The following IGSF3 variants were observed in gnomAD, a reference collection of about 807,000 sequenced individuals.
IGSF3 encodes glu-Trp-Ile EWI motif-containing protein 3.
Under a neutral mutation model 114.4 loss-of-function variants are expected in IGSF3, and 23 were observed. The observed-to-expected ratio is 0.20, with a 90% CI of 0.14 to 0.28. The LOEUF (loss-of-function observed/expected upper bound fraction) is 0.28, where lower values mean the gene tolerates loss of function less well. IGSF3 is among the 10% of genes least tolerant of loss of function. The pLI, the probability that IGSF3 is intolerant of heterozygous loss-of-function variation, is 1.00. For missense variants in IGSF3, 1,172 were observed against 1,591.5 expected (o/e 0.74, Z 4.48); for synonymous variants, 571 against 645.2 (o/e 0.88, Z 1.74).
Position 116,608,011 on chromosome 1 carries a change from C to T in IGSF3, c.1153G>A (p.Val385Met), listed in dbSNP as rs1473378160. Residue 385 changes from valine to methionine, a missense_variant, in exon 5 of 11, where the codon GTG becomes ATG. Physicochemically the swap from Val to Met is conservative, Grantham distance 21. This residue lies in a region of IGSF3 where 736 missense variants were observed against 1,042.0 expected (regional missense o/e 0.71). Coordinates refer to ENST00000369486, the MANE Select transcript of IGSF3 (RefSeq NM_001007237.3). ...TCCTTATCAATGAATTCCCCGGTCA[C>T]GGTTTTCTCTCGCTCAGTCACCCGG... ...NCRVTEREKT[V>M]TGEFIDKESK... 3.1e-6 allele frequency: 5 copies of T among 1,613,960 alleles called. No homozygotes were observed. The highest frequency in any genetic ancestry group is 2.2e-5 in the East Asian group (1 of 44,892).
Position 116,579,660 on chromosome 1 carries a change from GTCGTCGTCCTCC to G in IGSF3, c.3054_3065del (p.Glu1018_Asp1021del), listed in dbSNP as rs750273543. On this transcript the variant is annotated inframe_deletion, in exon 10 of 11. Transcript: ENST00000369486. This position sits in a 1 kb window ranked among gnomAD's most constrained non-coding sequence, Gnocchi z 6.4. ...TCCGCTCTGTTGGGTCGTCGTCGTC[GTCGTCGTCCTCC>G]TCCTCCTCCTCCTCCCTTTCCTCTT... 3.8e-6 allele frequency: 6 copies of G among 1,596,212 alleles called. No individual in the cohort carries two copies. The highest frequency in any genetic ancestry group is 5.1e-6 in the Non-Finnish European group (6 of 1,169,160).
At position 116,633,013 on chromosome 1, in the gene IGSF3, TACAGAGAAAAAA is replaced by T. The variant is rs1274189447; in HGVS notation, c.44-16568_44-16557del. 6.6e-6 allele frequency among the ~76,000 whole-genome samples: 1 copy of T among 152,210 alleles called. No individual in the cohort carries two copies. Among genetic ancestry groups the T allele is most frequent in the East Asian group, 1.9e-4 (1 of 5,204 alleles). On this transcript the variant is annotated intron_variant, in intron 2 of 10. Transcript: ENST00000369486. This position sits in a 1 kb window ranked among gnomAD's most constrained non-coding sequence, Gnocchi z 4.3. ...TAAAGTGACGAATTTTGTGGACACTTACAGAGAAAAAAATAGCTTCAAATGCTATATAGACCA... is the reference window on the plus strand; with the variant it reads ...TAAAGTGACGAATTTTGTGGACACTTATAGCTTCAAATGCTATATAGACCA...
intron 2 of IGSF3, among the ~76,000 whole-genome samples, chr1:116,658,996 G>A (rs1016616522): frequency 2.0e-5 from 3 of 152,170 alleles, no homozygotes; most frequent in African/African-American, 7.2e-5. Context: ...TTAATTACAG[G>A]GTTAGGTGGA....
intron 2 of IGSF3, among the ~76,000 whole-genome samples, chr1:116,639,473 C>CTG (rs1239031148): frequency 1.3e-5 from 2 of 152,122 alleles, no homozygotes. Context: ...GAGACAGGTC[C>CTG]CAACCACCTG....
chr1:116,620,971 T>C (rs376978982), intron 2 of IGSF3, among the ~76,000 whole-genome samples: 4 of 152,210 alleles, frequency 2.6e-5, no homozygotes, highest in Non-Finnish European at 4.4e-5. Context: ...CTAAATCTCA[T>C]GTTCAATTAT....
In IGSF3 at chr1:116,584,550, A is replaced by C. The variant is rs745768941; in HGVS notation, c.2848+95T>G. The C allele has an allele frequency of 6.5e-6, 8 of 1,228,416 alleles. No individual in the cohort carries two copies. The highest frequency in any genetic ancestry group is 9.3e-6 in the Non-Finnish European group (8 of 860,008). 76.1% of individuals were successfully genotyped at this position (1,228,416 alleles called of 1,614,324 possible). On this transcript the variant is annotated intron_variant, in intron 9 of 10. Coordinates refer to ENST00000369486, the MANE Select transcript of IGSF3 (RefSeq NM_001007237.3). The surrounding 1 kb of genome is among the most constrained non-coding windows in gnomAD (Gnocchi z 5.8). ...ACACTCATATATTTAACTGCAAATAATTTATTAATAAACTAATTTTATCCA... is the reference window on the plus strand; with the variant it reads ...ACACTCATATATTTAACTGCAAATACTTTATTAATAAACTAATTTTATCCA...
In IGSF3 at chr1:116,579,904, G is replaced by A. The variant is rs199669386; in HGVS notation, c.2849-27C>T. The A allele has an allele frequency of 2.6e-6, 4 of 1,558,618 alleles. No individual in the cohort carries two copies. The highest frequency in any genetic ancestry group is 3.9e-5 in the Admixed American group (2 of 51,658). On this transcript the variant is annotated intron_variant, in intron 9 of 10. Transcript: ENST00000369486. This position sits in a 1 kb window ranked among gnomAD's most constrained non-coding sequence, Gnocchi z 6.4. ...TGGGGAATGACAAGGGACAAACAGGGAAGGGGTTGTTTAAATTTATTTGCT... is the reference window on the plus strand; with the variant it reads ...TGGGGAATGACAAGGGACAAACAGGAAAGGGGTTGTTTAAATTTATTTGCT...
In IGSF3 at chr1:116,633,126, T is replaced by C. The variant is rs541116330; in HGVS notation, c.44-16669A>G. The stretch of plus-strand genomic sequence containing the variant: ...GGCTTTATGCAGAGTTCAGCTGCCA[T>C]CTGTCCCTTTGAAGGCCAGCTAAGA... On this transcript the variant is annotated intron_variant, in intron 2 of 10. Coordinates refer to ENST00000369486, the MANE Select transcript of IGSF3 (RefSeq NM_001007237.3). This position sits in a 1 kb window ranked among gnomAD's most constrained non-coding sequence, Gnocchi z 4.3. Among the ~76,000 whole-genome samples, 2 of 152,256 alleles carry C rather than the reference T, an allele frequency of 1.3e-5. No individual in the cohort carries two copies. The highest frequency in any genetic ancestry group is 2.9e-5 in the Non-Finnish European group (2 of 68,046).
rs1270590606 is a variant in IGSF3, at chr1:116,589,928, A to C, written c.2030-824T>G. Among the ~76,000 whole-genome samples, 6 of 152,034 alleles carry C rather than the reference A, an allele frequency of 3.9e-5. No individual in the cohort carries two copies. Among genetic ancestry groups the C allele is most frequent in the Non-Finnish European group, 5.9e-5 (4 of 68,004 alleles). ...GCCTAGCGGACATTCTTATCGCTGCACCCCCAGAGCCTAGCACAGCACCTG... is the reference window on the plus strand; with the variant it reads ...GCCTAGCGGACATTCTTATCGCTGCCCCCCCAGAGCCTAGCACAGCACCTG... On this transcript the variant is annotated intron_variant, in intron 7 of 10. Transcript: ENST00000369486. The surrounding 1 kb of genome is among the most constrained non-coding windows in gnomAD (Gnocchi z 5.7).
In IGSF3 at chr1:116,618,991, A is replaced by G. The variant is rs1329873315; in HGVS notation, c.44-2534T>C. On this transcript the variant is annotated intron_variant, in intron 2 of 10. Coordinates refer to ENST00000369486, the MANE Select transcript of IGSF3 (RefSeq NM_001007237.3). The surrounding 1 kb of genome is among the most constrained non-coding windows in gnomAD (Gnocchi z 4.7). ...TAACAGTGCCTGGACCCCACCTGAC[A>G]TAACTGGTCTTAGGATTAATTAGGA... 6.6e-6 allele frequency among the ~76,000 whole-genome samples: 1 copy of G among 152,214 alleles called. No homozygotes were observed. The highest frequency in any genetic ancestry group is 2.4e-5 in the African/African-American group (1 of 41,446).
In IGSF3 at chr1:116,593,193, C is replaced by T. The variant is rs536003112; in HGVS notation, c.2030-4089G>A. 6.6e-6 allele frequency among the ~76,000 whole-genome samples: 1 copy of T among 152,346 alleles called. No homozygotes were observed. Among genetic ancestry groups the T allele is most frequent in the East Asian group, 1.9e-4 (1 of 5,190 alleles). On this transcript the variant is annotated intron_variant, in intron 7 of 10. Transcript: ENST00000369486. The surrounding 1 kb of genome is among the most constrained non-coding windows in gnomAD (Gnocchi z 4.5). Reference sequence around the variant, plus strand: ...TCACCTGGGAATCTGCCAGCCCCTGCTAAGTCAGAAAAACTGCGAGTAAGG... The same window carrying T: ...TCACCTGGGAATCTGCCAGCCCCTGTTAAGTCAGAAAAACTGCGAGTAAGG...
At chr1:116,621,989 T>C (rs60540624) in intron 2 of IGSF3, among the ~76,000 whole-genome samples, 12,514 of 152,218 alleles carry the variant, frequency 0.082, 1,230 homozygotes, top group African/African-American at 0.24. Context: ...GGTCACTGTG[T>C]CTGGGAAAGC....
rs1376320462 is a variant in IGSF3 at position 116,616,003 on chromosome 1, T to C, written c.421+77A>G. On this transcript the variant is annotated intron_variant, in intron 3 of 10. Transcript: ENST00000369486. This position sits in a 1 kb window ranked among gnomAD's most constrained non-coding sequence, Gnocchi z 6.6. Reference sequence around the variant, plus strand: ...GGGATTTTTTTTAAAGTCAAATGCATGGCATAAAGCAAAATTACGCTACTA... The same window carrying C: ...GGGATTTTTTTTAAAGTCAAATGCACGGCATAAAGCAAAATTACGCTACTA... The C allele has an allele frequency of 7.6e-7, 1 of 1,319,144 alleles. No homozygotes were observed. Among genetic ancestry groups the C allele is most frequent in the African/African-American group, 1.5e-5 (1 of 66,184 alleles). The allele number at this position is 1,319,144 out of a possible 1,614,324, so 81.7% of individuals were successfully genotyped here.
In IGSF3 at chr1:116,612,359, A is replaced by T. The variant is rs1661053693; in HGVS notation, c.832+1406T>A. ...TAAAAGATTTCACATCCATTAGATGACTTATTAAAGTGATGTCCAGAGAAT... is the reference window on the plus strand; with the variant it reads ...TAAAAGATTTCACATCCATTAGATGTCTTATTAAAGTGATGTCCAGAGAAT... On this transcript the variant is annotated intron_variant, in intron 4 of 10. Coordinates refer to ENST00000369486, the MANE Select transcript of IGSF3 (RefSeq NM_001007237.3). This position sits in a 1 kb window ranked among gnomAD's most constrained non-coding sequence, Gnocchi z 4.1. Among the ~76,000 whole-genome samples, 1 of 152,144 alleles carries T rather than the reference A, an allele frequency of 6.6e-6. No homozygotes were observed. Among genetic ancestry groups the T allele is most frequent in the Non-Finnish European group, 1.5e-5 (1 of 68,026 alleles).
Position 116,579,343 on chromosome 1 carries a change from A to C in IGSF3, c.3334+49T>G. On this transcript the variant is annotated intron_variant, in intron 10 of 10. Coordinates refer to ENST00000369486, the MANE Select transcript of IGSF3 (RefSeq NM_001007237.3). This position sits in a 1 kb window ranked among gnomAD's most constrained non-coding sequence, Gnocchi z 6.4. ...TCAAGCTCAAATTTATCTTCCAGAC[A>C]CAGTTGGAACCAACAGTGACATCCT... The C allele has an allele frequency of 6.6e-7, 1 of 1,513,692 alleles. No individual in the cohort carries two copies. Among genetic ancestry groups the C allele is most frequent in the South Asian group, 1.3e-5 (1 of 74,996 alleles). 93.8% of individuals were successfully genotyped at this position (1,513,692 alleles called of 1,614,324 possible). A position where few individuals can be genotyped will look rare whatever the true frequency, so the allele number is the denominator to read the frequency against.
At position 116,666,170 on chromosome 1, in the gene IGSF3, C is replaced by A; in HGVS notation, c.43+114G>T. 8.0e-6 allele frequency: 8 copies of A among 1,004,810 alleles called. No individual in the cohort carries two copies. The South Asian group carries it at 9.0e-5, about 11-fold the overall frequency. 62.2% of individuals were successfully genotyped at this position (1,004,810 alleles called of 1,614,324 possible). On this transcript the variant is annotated intron_variant, in intron 2 of 10. Coordinates refer to ENST00000369486, the MANE Select transcript of IGSF3 (RefSeq NM_001007237.3). ...TCCAACCTGTGACACACACCGACCGCCTCCTGGTGTCCCCCAAATCCTAGT... is the reference window on the plus strand; with the variant it reads ...TCCAACCTGTGACACACACCGACCGACTCCTGGTGTCCCCCAAATCCTAGT...
In IGSF3 at chr1:116,577,689, T is replaced by A; in HGVS notation, c.3335-127A>T. 1.3e-6 allele frequency: 1 copy of A among 786,868 alleles called. No individual in the cohort carries two copies. The highest frequency in any genetic ancestry group is 2.1e-6 in the Non-Finnish European group (1 of 485,914). The allele number at this position is 786,868 out of a possible 1,614,324, so 48.7% of individuals were successfully genotyped here. A position where few individuals can be genotyped will look rare whatever the true frequency, so the allele number is the denominator to read the frequency against. On this transcript the variant is annotated intron_variant, in intron 10 of 10. Coordinates refer to ENST00000369486, the MANE Select transcript of IGSF3 (RefSeq NM_001007237.3). The surrounding 1 kb of genome is among the most constrained non-coding windows in gnomAD (Gnocchi z 5.7). ...TGACACTCCCACACCACCTTGTCTT[T>A]CCCCTGCTACCATTAATGGTGGAAG...
In IGSF3 at chr1:116,579,231, A is replaced by G. The variant is rs1659482952; in HGVS notation, c.3334+161T>C. Among the ~76,000 whole-genome samples, 1 of 152,184 alleles carries G rather than the reference A, an allele frequency of 6.6e-6. No homozygotes were observed. Among genetic ancestry groups the G allele is most frequent in the South Asian group, 2.1e-4 (1 of 4,828 alleles). On this transcript the variant is annotated intron_variant, in intron 10 of 10. Transcript: ENST00000369486. The surrounding 1 kb of genome is among the most constrained non-coding windows in gnomAD (Gnocchi z 6.4). ...GCATGGGTAATCAAGGGTCAATTAT[A>G]TGAACTAATATGTCCAATCCCACCA...
Position 116,616,873 on chromosome 1 carries a change from T to C in IGSF3, c.44-416A>G, listed in dbSNP as rs1661239260. ...AAATAAAAGCAACCATCTAGAAATC[T>C]GGCTGAAATTAAATGCTTCTTCCTT... On this transcript the variant is annotated intron_variant, in intron 2 of 10. Transcript: ENST00000369486. This position sits in a 1 kb window ranked among gnomAD's most constrained non-coding sequence, Gnocchi z 6.6. Among the ~76,000 whole-genome samples the C allele has an allele frequency of 1.3e-5, 2 of 152,234 alleles. No homozygotes were observed. Among genetic ancestry groups the C allele is most frequent in the East Asian group, 1.9e-4 (1 of 5,198 alleles).
Sources: allele counts gnomAD v4.1 joint callset (sites outside exome capture counted in the v4.1 genomes callset), GRCh38; gene constraint gnomAD v4.1.1; regional missense constraint gnomAD v4.1.1; non-coding constraint Gnocchi (gnomAD v3.1); transcripts MANE v1.5; gene names NCBI Gene and HGNC (gene_info 2026-07-23, HGNC 2026-07-21).